Variants in XPNPEP1 observed in about 807,000 individuals in gnomAD.
XPNPEP1 encodes the protein X-prolyl aminopeptidase 1.
In XPNPEP1, 39 loss-of-function variants were observed where a neutral mutation model predicts 92.4. The ratio of observed to expected loss-of-function variants is 0.42; its 90% CI spans 0.33 to 0.55. XPNPEP1 has a LOEUF of 0.55. Among genes scored for constraint, XPNPEP1 ranks in the 20% least tolerant of loss-of-function variants. The pLI, the probability that XPNPEP1 is intolerant of heterozygous loss-of-function variation, is 0.08. For synonymous variants in XPNPEP1, 307 were observed against 299.4 expected (o/e 1.03, Z -0.26); for missense variants, 654 against 856.1 (o/e 0.76, Z 2.95).
At chr10:109,908,021 C>A (rs1363899418) in intron 2 of XPNPEP1, among the ~76,000 whole-genome samples, 1 of 152,164 alleles carries the variant, frequency 6.6e-6, no homozygotes, top group Non-Finnish European at 1.5e-5. Context: ...CTCCAAATAG[C>A]CATTTGTGGC....
intron 3 of XPNPEP1, among the ~76,000 whole-genome samples, chr10:109,899,096 A>G (rs1210284758): frequency 2.0e-5 from 3 of 152,212 alleles, no homozygotes; most frequent in African/African-American, 7.2e-5. Flanking sequence ...CCTTGTTTCC[A>G]AATATAAGTT....
chr10:109,900,235 T>C (rs970280609), intron 3 of XPNPEP1, among the ~76,000 whole-genome samples: 1 of 152,156 alleles, frequency 6.6e-6, no homozygotes, highest in African/African-American at 2.4e-5. Context: ...TCCCCTTCAC[T>C]TCTCCAACAC....
At chr10:109,893,761 G>A (rs1330886610) in intron 3 of XPNPEP1, among the ~76,000 whole-genome samples, 2 of 152,228 alleles carry the variant, frequency 1.3e-5, no homozygotes, top group African/African-American at 4.8e-5. Flanking sequence ...AAGTCAAAGT[G>A]TGCAACTTCT....
At chr10:109,880,298 G>T in intron 11 of XPNPEP1, 60 bp from the exon 12 acceptor site, 1 of 1,571,402 alleles carries the variant, frequency 6.4e-7, no homozygotes. Context: ...ACCAGATTCA[G>T]AGCCTAGCCC....
chr10:109,884,890 G>C (rs563360528), intron 8 of XPNPEP1, among the ~76,000 whole-genome samples: 3 of 152,258 alleles, frequency 2.0e-5, no homozygotes, highest in African/African-American at 7.2e-5. Flanking sequence ...AAAAACGCCT[G>C]GGCATTAAAA....
At chr10:109,914,723 G>T (rs1850082097) in intron 2 of XPNPEP1, among the ~76,000 whole-genome samples, 1 of 150,422 alleles carries the variant, frequency 6.6e-6, no homozygotes, top group African/African-American at 2.5e-5. Context: ...TTGAACCCGG[G>T]AGACGGAGGT....
At chr10:109,870,061 C>G (rs556736177) in intron 18 of XPNPEP1, 32 bp from the exon 19 acceptor site, 1 of 1,610,946 alleles carries the variant, frequency 6.2e-7, no homozygotes, top group East Asian at 2.2e-5. Flanking sequence ...AAATGAGAAG[C>G]AGCCCACGAT....
At chr10:109,884,277 A>C in intron 8 of XPNPEP1, 129 bp from the exon 9 acceptor site, 1 of 862,400 alleles carries the variant, frequency 1.2e-6, no homozygotes, top group South Asian at 1.7e-5. Context: ...TCGCACAGAA[A>C]GGCTGGAAGC....
chr10:109,901,667 T>C (rs998638403), intron 3 of XPNPEP1, among the ~76,000 whole-genome samples: 1 of 152,242 alleles, frequency 6.6e-6, no homozygotes, highest in African/African-American at 2.4e-5. Flanking sequence ...CTTAATTTTA[T>C]TTCACTTTAA....
intron 2 of XPNPEP1, among the ~76,000 whole-genome samples, chr10:109,914,721 G>A (rs761641735): frequency 1.1e-4 from 17 of 151,404 alleles, no homozygotes; most frequent in African/African-American, 3.9e-4. Context: ...GCTTGAACCC[G>A]GGAGACGGAG....
intron 9 of XPNPEP1, among the ~76,000 whole-genome samples, 170 bp from the exon 10 acceptor site, chr10:109,882,812 C>T (rs1056921431): frequency 1.3e-5 from 2 of 151,964 alleles, no homozygotes; most frequent in African/African-American, 2.4e-5. Flanking sequence ...GCATTCCCTG[C>T]CCCCATCCAC....
chr10:109,887,593 C>T (rs1394855720), intron 7 of XPNPEP1, among the ~76,000 whole-genome samples: 3 of 152,092 alleles, frequency 2.0e-5, no homozygotes, highest in Non-Finnish European at 2.9e-5. Context: ...CCATCACTAT[C>T]GCACAGGCCA....
At chr10:109,903,441 C>G (rs1437096479) in intron 3 of XPNPEP1, among the ~76,000 whole-genome samples, 1 of 152,204 alleles carries the variant, frequency 6.6e-6, no homozygotes, top group African/African-American at 2.4e-5. Flanking sequence ...GCTACATAAT[C>G]ATCATGTGCT....
chr10:109,892,405 A>G (rs1848751045), intron 4 of XPNPEP1: 1 of 156,758 alleles, frequency 6.4e-6, no homozygotes, highest in Non-Finnish European at 1.4e-5. Flanking sequence ...CAACCAACAC[A>G]AGCACTTACG....
intron 2 of XPNPEP1, among the ~76,000 whole-genome samples, chr10:109,910,721 C>T (rs1378413651): frequency 6.6e-6 from 1 of 152,294 alleles, no homozygotes; most frequent in East Asian, 1.9e-4. Flanking sequence ...ATGAATAAAG[C>T]TGCTATAAAC....
At position 109,914,997 on chromosome 10, in the gene XPNPEP1, G is replaced by A; in HGVS notation, c.121+14C>T. ...TTACAGATGTTCCATCTAATTTCCA[G>A]ACAAAATTATTACCTGTTTCCACAC... On this transcript the variant is annotated intron_variant, in intron 2 of 20. Coordinates refer to ENST00000502935, the MANE Select transcript of XPNPEP1 (RefSeq NM_020383.4). The A allele has an allele frequency of 6.7e-7, 1 of 1,493,418 alleles. No individual in the cohort carries two copies. Among genetic ancestry groups the A allele is most frequent in the Non-Finnish European group, 8.9e-7 (1 of 1,117,496 alleles). The allele number at this position is 1,493,418 out of a possible 1,614,324, so 92.5% of individuals were successfully genotyped here.
chr10:109,906,647 T>C (rs1849575657), intron 3 of XPNPEP1, among the ~76,000 whole-genome samples: 1 of 152,212 alleles, frequency 6.6e-6, no homozygotes, highest in African/African-American at 2.4e-5. Flanking sequence ...AACTGAAGAA[T>C]CCTGTAACAA....
Position 109,865,190 on chromosome 10 carries a change from C to G in XPNPEP1, c.1995G>C (p.Gln665His). Residue 665 changes from glutamine to histidine, a missense_variant, in exon 21 of 21, where the codon CAG (glutamine) becomes CAC (histidine). By Grantham distance (24) the Gln-to-His change is conservative. Coordinates refer to ENST00000502935, the MANE Select transcript of XPNPEP1 (RefSeq NM_020383.4). ...AAAACCGGGGAGGTATTTATTAATG[C>G]TGTTTGGAGATGGGTTGCGTCTCTC... ...LIRETQPISK[Q>H]H 1 of 1,614,160 alleles carries G rather than the reference C, an allele frequency of 6.2e-7. No homozygotes were observed.
intron 8 of XPNPEP1, chr10:109,884,391 G>C: frequency 2.1e-6 from 1 of 470,930 alleles, no homozygotes; most frequent in Non-Finnish European, 3.8e-6. Context: ...CCGGAGAAGG[G>C]AATAAAAGCT....
Sources: gnomAD v4.1 joint callset for allele counts (sites outside exome capture counted in the v4.1 genomes callset) on GRCh38, gnomAD v4.1.1 for gene constraint, MANE v1.5 for transcripts, NCBI Gene and HGNC (gene_info 2026-07-23, HGNC 2026-07-21) for gene names.